The following PARD3B variants were observed in gnomAD, a reference collection of about 807,000 sequenced individuals.
PARD3B encodes partitioning defective 3 homolog B.
PARD3B carries 103 observed loss-of-function variants against 130.2 expected under a neutral mutation model. The ratio of observed to expected loss-of-function variants is 0.79; its 90% CI spans 0.67 to 0.93. The LOEUF (loss-of-function observed/expected upper bound fraction) is 0.93. Among genes scored for constraint, PARD3B ranks in the 40% least tolerant of loss-of-function variants. The probability of loss-of-function intolerance (pLI) is 0.00; values close to 1 mark genes in which losing one functional copy is unlikely to be tolerated. For synonymous variants in PARD3B, 583 were observed against 553.2 expected (o/e 1.05, Z -0.76); for missense variants, 1,609 against 1,499.2 (o/e 1.07, Z -1.21).
At position 204,907,162 on chromosome 2, in the gene PARD3B, A is replaced by G. The variant is rs1170641826; in HGVS notation, c.223-57990A>G. ...CACCCGGCTCTTTTTTCATATTTTT[A>G]GTAAAGACGGGGTTTCACCGTGTTA... On this transcript the variant is annotated intron_variant, in intron 2 of 22. Transcript: ENST00000406610. The surrounding 1 kb of genome is among the most constrained non-coding windows in gnomAD (Gnocchi z 5.7). Among the ~76,000 whole-genome samples the G allele has an allele frequency of 6.6e-6, 1 of 151,994 alleles. No homozygotes were observed. The highest frequency in any genetic ancestry group is 1.5e-5 in the Non-Finnish European group (1 of 68,012).
intron 2 of PARD3B, among the ~76,000 whole-genome samples, chr2:204,745,407 C>CT (rs71032405): frequency 2.8e-5 from 4 of 140,990 alleles, no homozygotes; most frequent in Non-Finnish European, 6.2e-5. Context: ...TAAATACTAC[C>CT]TTTTTTTTTT....
At chr2:204,735,698 C>T (rs942010576) in intron 2 of PARD3B, among the ~76,000 whole-genome samples, 7 of 151,940 alleles carry the variant, frequency 4.6e-5, no homozygotes, top group African/African-American at 7.3e-5. Flanking sequence ...ATGGATGGGC[C>T]GTTAGACATA....
chr2:205,441,056 A>T (rs2047698485), intron 20 of PARD3B, among the ~76,000 whole-genome samples: 1 of 152,220 alleles, frequency 6.6e-6, no homozygotes, highest in Admixed American at 6.5e-5. Flanking sequence ...AAAAGAGAAG[A>T]TGATAGCTTC....
intron 2 of PARD3B, among the ~76,000 whole-genome samples, chr2:204,933,407 A>C (rs755987699): frequency 1.2e-4 from 18 of 152,230 alleles, no homozygotes; most frequent in Non-Finnish European, 2.5e-4. Flanking sequence ...GAATATTGGT[A>C]ATTGGAAATA....
intron 1 of PARD3B, among the ~76,000 whole-genome samples, chr2:204,553,681 TATATATATATATATAC>T (rs1402372201): frequency 1.2e-4 from 8 of 64,276 alleles, no homozygotes; most frequent in Non-Finnish European, 1.7e-4. Context: ...TATATATATA[TATATATATATATATAC>T]ACACATATAT....
At chr2:204,931,792 G>A (rs544124415) in intron 2 of PARD3B, among the ~76,000 whole-genome samples, 2 of 151,928 alleles carry the variant, frequency 1.3e-5, no homozygotes, top group Non-Finnish European at 1.5e-5. Context: ...AACTAAGAGT[G>A]GGGGGCAGGG....
In PARD3B at chr2:205,031,122, C is replaced by T. The variant is rs117247240; in HGVS notation, c.395-16459C>T. ...CCACAGACTAGAAAGATACACATCA[C>T]AAATCCATTTAGCTGTGTACGTGAA... On this transcript the variant is annotated intron_variant, in intron 3 of 22. Transcript: ENST00000406610. Among the ~76,000 whole-genome samples, 33 of 152,264 alleles carry T rather than the reference C, an allele frequency of 2.2e-4. No individual in the cohort carries two copies. In the East Asian group the frequency reaches 6.2e-3, roughly 29 times the overall value.
At chr2:205,443,428 C>G (rs1293842951) in intron 20 of PARD3B, among the ~76,000 whole-genome samples, 1 of 152,016 alleles carries the variant, frequency 6.6e-6, no homozygotes, top group Non-Finnish European at 1.5e-5. Context: ...AGAAACAGTC[C>G]CAGGCCAGAA....
intron 20 of PARD3B, among the ~76,000 whole-genome samples, chr2:205,486,429 A>T (rs1249127063): frequency 6.6e-6 from 1 of 152,126 alleles, no homozygotes; most frequent in Non-Finnish European, 1.5e-5. Flanking sequence ...CTAACTTTTG[A>T]TGCAATCTGC....
chr2:204,811,726 A>C (rs1180637843), intron 2 of PARD3B, among the ~76,000 whole-genome samples: 1 of 152,116 alleles, frequency 6.6e-6, no homozygotes. Flanking sequence ...GTTAACTCCT[A>C]TATCCTCTTT....
intron 4 of PARD3B, among the ~76,000 whole-genome samples, chr2:205,080,261 CCT>C (rs1168050643): frequency 6.6e-6 from 1 of 152,014 alleles, no homozygotes; most frequent in Non-Finnish European, 1.5e-5. Flanking sequence ...CTCTTGTTTA[CCT>C]GCTATTGTAA....
intron 2 of PARD3B, among the ~76,000 whole-genome samples, chr2:204,872,024 C>T (rs1024315242): frequency 7.2e-5 from 11 of 152,030 alleles, no homozygotes; most frequent in Non-Finnish European, 1.3e-4. Flanking sequence ...ACCCAAACTC[C>T]CAAAATCAAA....
At chr2:205,075,467 C>A (rs1264515572) in intron 4 of PARD3B, among the ~76,000 whole-genome samples, 1 of 151,170 alleles carries the variant, frequency 6.6e-6, no homozygotes, top group African/African-American at 2.4e-5. Flanking sequence ...TTTAATCCAC[C>A]CTCAAAAAAG....
In PARD3B at chr2:205,338,070, T is replaced by A. The variant is rs188348109; in HGVS notation, c.2630+36369T>A. On this transcript the variant is annotated intron_variant, in intron 18 of 22. Transcript: ENST00000406610. ...TCGGGAGGCTGAGGCAGAGAATTGC[T>A]TCAACTCAGGAGGCGAAGGTTGCAG... is the stretch of plus-strand genomic sequence containing the variant. 8.8e-3 allele frequency among the ~76,000 whole-genome samples: 1,315 copies of A among 149,546 alleles called. 12 individuals are homozygous for A. The highest frequency in any genetic ancestry group is 0.032 in the African/African-American group (1,261 of 39,932).
chr2:204,724,864 AG>A (rs1211254605), intron 2 of PARD3B, among the ~76,000 whole-genome samples: 1 of 152,084 alleles, frequency 6.6e-6, no homozygotes, highest in East Asian at 1.9e-4. Context: ...GGGGGAAGAC[AG>A]GATGGCTGTG....
intron 2 of PARD3B, among the ~76,000 whole-genome samples, chr2:204,766,991 A>ATTTTTT (rs141505640): frequency 3.0e-5 from 3 of 98,676 alleles, no homozygotes; most frequent in African/African-American, 1.1e-4. Context: ...CACATTTTTT[A>ATTTTTT]TTTTATTTTT....
At chr2:205,090,912 A>G (rs890723364) in intron 4 of PARD3B, among the ~76,000 whole-genome samples, 1 of 152,182 alleles carries the variant, frequency 6.6e-6, no homozygotes, top group South Asian at 2.1e-4. Flanking sequence ...GGCCAATTTC[A>G]TCCTCTACCA....
intron 2 of PARD3B, among the ~76,000 whole-genome samples, chr2:204,855,172 C>T (rs1449982807): frequency 6.6e-6 from 1 of 152,090 alleles, no homozygotes; most frequent in Non-Finnish European, 1.5e-5. Flanking sequence ...CTCAGCCTCC[C>T]AAGTATTTGG....
chr2:205,123,779 G>A (rs1236301577), intron 8 of PARD3B, among the ~76,000 whole-genome samples: 1 of 152,016 alleles, frequency 6.6e-6, no homozygotes, highest in African/African-American at 2.4e-5. Context: ...GATCCTTCAG[G>A]GTAGAGAAAT....
Sources: allele counts gnomAD v4.1 joint callset (sites outside exome capture counted in the v4.1 genomes callset), GRCh38; gene constraint gnomAD v4.1.1; non-coding constraint Gnocchi (gnomAD v3.1); transcripts MANE v1.5; gene names NCBI Gene and HGNC (gene_info 2026-07-23, HGNC 2026-07-21).